The following DICER1 variants were observed in gnomAD, a reference collection of about 807,000 sequenced individuals.
The protein encoded by DICER1 is endoribonuclease Dicer.
DICER1 carries 43 observed loss-of-function variants against 194.1 expected under a neutral mutation model. The ratio of observed to expected loss-of-function variants is 0.22; its 90% CI spans 0.17 to 0.29. The LOEUF (loss-of-function observed/expected upper bound fraction) is 0.29, where lower values mean the gene tolerates loss of function less well. Ranked by LOEUF, DICER1 falls within the 10% of genes least tolerant of loss-of-function variation. The pLI, the probability that DICER1 is intolerant of heterozygous loss-of-function variation, is 1.00. For missense variants in DICER1, 1,608 were observed against 2,317.0 expected (o/e 0.69, Z 6.28); for synonymous variants, 832 against 820.5 (o/e 1.01, Z -0.24).
chr14:95,144,479 T>C (rs1895011054), intron 1 of DICER1, among the ~76,000 whole-genome samples: 1 of 152,140 alleles, frequency 6.6e-6, no homozygotes, highest in Admixed American at 6.5e-5. Context: ...ACACAAGATC[T>C]TAAACTTAGT....
At position 95,087,604 on chromosome 14, in the gene DICER1, T is replaced by G. The variant is rs1889441176; in HGVS notation, c.*2894A>C. On this transcript the variant is annotated 3_prime_UTR_variant, in exon 27 of 27. Transcript: ENST00000343455. ...TAAAGCATGGTACCAAGTGCAATGC[T>G]TATCTGTGCTACATGAACAGAACAG... is the stretch of plus-strand genomic sequence containing the variant. 1 of 233,132 alleles carries G rather than the reference T, an allele frequency of 4.3e-6. No individual in the cohort carries two copies. Among genetic ancestry groups the G allele is most frequent in the Non-Finnish European group, 8.5e-6 (1 of 118,038 alleles). The allele number at this position is 233,132 out of a possible 1,614,324, so 14.4% of individuals were successfully genotyped here.
intron 6 of DICER1, among the ~76,000 whole-genome samples, chr14:95,127,815 GT>G (rs1893608216): frequency 6.6e-6 from 1 of 152,164 alleles, no homozygotes. Flanking sequence ...TTATTAGTTT[GT>G]TTTCTTTTGT....
rs138989611 is a variant in DICER1, at chr14:95,141,452, A to C, written c.-45-7949T>G. ...GATCAACAAATACTGATTTTGTTAG[A>C]TCTGACATCAGACTTGGTTTGCGCT... On this transcript the variant is annotated intron_variant, in intron 1 of 26. Transcript: ENST00000343455. Among the ~76,000 whole-genome samples the C allele has an allele frequency of 2.2e-3, 328 of 152,342 alleles. 1 individual carries two copies. The highest frequency in any genetic ancestry group is 7.4e-3 in the African/African-American group (307 of 41,576).
chr14:95,100,494 T>TA (rs1372122257), intron 21 of DICER1, among the ~76,000 whole-genome samples: 4 of 152,234 alleles, frequency 2.6e-5, no homozygotes, highest in African/African-American at 9.6e-5. Flanking sequence ...TCCTTTGTTT[T>TA]ACAGCCATTT....
At chr14:95,114,614 T>C (rs1892273836) in intron 11 of DICER1, among the ~76,000 whole-genome samples, 2 of 152,112 alleles carry the variant, frequency 1.3e-5, no homozygotes, top group Admixed American at 1.3e-4. Flanking sequence ...AAGGAACAAA[T>C]TTTATACCGT....
At chr14:95,090,820 C>T (rs1889735725) in intron 26 of DICER1, 157 bp from the exon 27 acceptor site, 4 of 1,015,354 alleles carry the variant, frequency 3.9e-6, no homozygotes, top group East Asian at 2.5e-5. Flanking sequence ...TGCATACCCC[C>T]GACAGACAGG....
Position 95,107,674 on chromosome 14 carries a change from T to G in DICER1, c.2738A>C (p.Lys913Thr), listed in dbSNP as rs1060503649. The change falls in exon 17 of 27, where the codon AAG becomes ACG. Residue 913 changes from lysine to threonine, a missense_variant. Around this residue, in one of 10 missense-constraint regions of DICER1, gnomAD observed 150 missense variants for 216.0 expected, o/e 0.69. Transcript: ENST00000343455. The part of the protein sequence containing the change: ...SEARIGIPST[K>T]YTKETPFVFK... The stretch of plus-strand genomic sequence containing the variant: ...AACAAAGGGTGTTTCTTTTGTATAC[T>G]TTGTACTGGGAATGCCTATGCGAGC... 6 of 1,613,536 alleles carry G rather than the reference T, an allele frequency of 3.7e-6. No homozygotes were observed. The highest frequency in any genetic ancestry group is 5.1e-6 in the Non-Finnish European group (6 of 1,179,378).
chr14:95,132,299 A>G (rs1227857946), intron 3 of DICER1, among the ~76,000 whole-genome samples: 1 of 152,244 alleles, frequency 6.6e-6, no homozygotes, highest in African/African-American at 2.4e-5. Context: ...TTATGTTCCA[A>G]AAGCAATCCA....
At chr14:95,152,464 T>C (rs1431965302) in intron 1 of DICER1, among the ~76,000 whole-genome samples, 4 of 152,262 alleles carry the variant, frequency 2.6e-5, no homozygotes, top group Non-Finnish European at 5.9e-5. Context: ...GTGTCTCCTA[T>C]ATGTCAAGCA....
Position 95,130,072 on chromosome 14 carries a change from G to T in DICER1, c.559C>A (p.Arg187=), listed in dbSNP as rs763801533. 3.3e-5 allele frequency: 54 copies of T among 1,613,100 alleles called. No homozygotes were observed. Among genetic ancestry groups the T allele is most frequent in the Non-Finnish European group, 4.4e-5 (52 of 1,179,604 alleles). ...CHLAILDHPY[R]EIMKLCENCP... ...CTAAAACTTACCTTCATAATTTCTC[G>T]ATAGGGGTGGTCTAGGATTGCAAGA... The change falls in exon 5 of 27, where the codon CGA becomes AGA. Residue 187 remains arginine (R), a synonymous_variant. Transcript: ENST00000343455.
rs1889482944 is a variant in DICER1, at chr14:95,088,075, G to A, written c.*2423C>T. 8.6e-6 allele frequency: 2 copies of A among 232,832 alleles called. No individual in the cohort carries two copies. The highest frequency in any genetic ancestry group is 3.6e-4 in the South Asian group (2 of 5,514). The allele number at this position is 232,832 out of a possible 1,614,324, so 14.4% of individuals were successfully genotyped here. On this transcript the variant is annotated 3_prime_UTR_variant, in exon 27 of 27. Coordinates refer to ENST00000343455, the MANE Select transcript of DICER1 (RefSeq NM_177438.3). ...TTATTTTTTAACTCAGTAACCAGGG[G>A]ATCACAGAATGCTTCAAACTGTGAG...
Position 95,117,691 on chromosome 14 carries a change from A to G in DICER1, c.1440T>C (p.Thr480=), listed in dbSNP as rs1555373201. 1.2e-6 allele frequency: 2 copies of G among 1,613,994 alleles called. No homozygotes were observed. The highest frequency in any genetic ancestry group is 1.7e-6 in the Non-Finnish European group (2 of 1,179,868). ...ELAYISSNFI[T]GHGIGKNQPR... Reference sequence around the variant, plus strand: ...GCTGATTCTTCCCAATGCCATGTCCAGTTATGAAATTGCTACTGATATAAG... The same window carrying G: ...GCTGATTCTTCCCAATGCCATGTCCGGTTATGAAATTGCTACTGATATAAG... Residue 480 remains threonine, a synonymous_variant, in exon 9 of 27, where the codon ACT becomes ACC. Transcript: ENST00000343455.
chr14:95,108,379 G>A lies in DICER1; in HGVS notation c.2381C>T (p.Pro794Leu), dbSNP rs2140032043. The A allele has an allele frequency of 6.2e-7, 1 of 1,613,988 alleles. No homozygotes were observed. Among genetic ancestry groups the A allele is most frequent in the Non-Finnish European group, 8.5e-7 (1 of 1,180,006 alleles). ...ELNFRRRKLY[P>L]PEDTTRCFGI... ...AAAGCATCTTGTGGTATCTTCAGGA[G>A]GATAGAGCTTCCGCCTTCTAAAGTT... The change falls in exon 15 of 27, where the codon CCT becomes CTT. Residue 794 changes from proline (P) to leucine (L), a missense_variant. Physicochemically the swap from Pro to Leu is moderately conservative, Grantham distance 98. Coordinates refer to ENST00000343455, the MANE Select transcript of DICER1 (RefSeq NM_177438.3).
rs746164022 is a variant in DICER1, at chr14:95,096,654, C to G, written c.4266G>C (p.Glu1422Asp). 6.2e-7 allele frequency: 1 copy of G among 1,612,806 alleles called. No individual in the cohort carries two copies. Among genetic ancestry groups the G allele is most frequent in the Non-Finnish European group, 8.5e-7 (1 of 1,179,416 alleles). ...CCCTCCACATCAGGCTCTCCTCCTC[C>G]TCATCCTCCTCCTCGTAATCCTCAT... ...KLDEDYEEED[E>D]EEESLMWRAP... Residue 1422 changes from glutamate (E) to aspartate (D), a missense_variant, in exon 23 of 27, where the codon GAG becomes GAC. Glu to Asp is a conservative substitution (Grantham distance 45, BLOSUM62 2). Around this residue, in one of 10 missense-constraint regions of DICER1, gnomAD observed 164 missense variants for 183.7 expected, o/e 0.89. Transcript: ENST00000343455.
chr14:95,103,018 T>A (rs183221477), intron 21 of DICER1, among the ~76,000 whole-genome samples: 2 of 152,292 alleles, frequency 1.3e-5, no homozygotes, highest in African/African-American at 4.8e-5. Flanking sequence ...CAATGCACAT[T>A]TCTTCATATC....
Position 95,096,390 on chromosome 14 carries a change from G to C in DICER1, c.4530C>G (p.Cys1510Trp). The C allele has an allele frequency of 6.2e-7, 1 of 1,614,198 alleles. No individual in the cohort carries two copies. The change falls in exon 23 of 27, where the codon TGC becomes TGG. Residue 1510 changes from cysteine (C) to tryptophan (W), a missense_variant. Transcript: ENST00000343455. ...CAACAGCTTTGCTAGGATCCAGATA[G>C]CACATTGCATCCCAAGAGCTGTAGT... ...DFDYSSWDAM[C>W]YLDPSKAVEE...
At chr14:95,138,305 A>C (rs186222418) in intron 1 of DICER1, among the ~76,000 whole-genome samples, 59 of 152,078 alleles carry the variant, frequency 3.9e-4, no homozygotes, top group African/African-American at 1.3e-3. Flanking sequence ...GGTTTCTAAG[A>C]ATCAATCTGA....
intron 1 of DICER1, among the ~76,000 whole-genome samples, chr14:95,139,768 G>C (rs538128309): frequency 1.3e-5 from 2 of 152,200 alleles, no homozygotes; most frequent in Non-Finnish European, 2.9e-5. Context: ...AGCCCTGAGA[G>C]ATGAGTGCAG....
At chr14:95,117,162 C>T (rs900703062) in intron 9 of DICER1, among the ~76,000 whole-genome samples, 2 of 149,992 alleles carry the variant, frequency 1.3e-5, no homozygotes, top group Non-Finnish European at 3.0e-5. Context: ...TTACAAGGCA[C>T]AAAAATATTT....
Sources: gnomAD v4.1 joint callset for allele counts (sites outside exome capture counted in the v4.1 genomes callset) on GRCh38, gnomAD v4.1.1 for gene constraint, gnomAD v4.1.1 regional missense constraint, MANE v1.5 for transcripts, NCBI Gene and HGNC (gene_info 2026-07-23, HGNC 2026-07-21) for gene names.